The following CTNNAL1 variants were observed in gnomAD, a reference collection of about 807,000 sequenced individuals.
The protein encoded by CTNNAL1 is catenin alpha like 1.
Under a neutral mutation model 93.6 loss-of-function variants are expected in CTNNAL1, and 69 were observed. The observed-to-expected ratio is 0.74, with a 90% CI of 0.61 to 0.90. The LOEUF (loss-of-function observed/expected upper bound fraction) is 0.90. CTNNAL1 is among the 40% of genes least tolerant of loss of function. CTNNAL1 has a pLI of 0.00. For synonymous variants in CTNNAL1, 286 were observed against 305.4 expected (o/e 0.94, Z 0.66); for missense variants, 836 against 862.0 (o/e 0.97, Z 0.38).
intron 4 of CTNNAL1, among the ~76,000 whole-genome samples, chr9:108,985,076 C>G (rs1831566276): frequency 1.3e-5 from 2 of 152,142 alleles, no homozygotes; most frequent in Admixed American, 1.3e-4. Flanking sequence ...ACAGAGCCCT[C>G]AATAGAATGT....
intron 15 of CTNNAL1, among the ~76,000 whole-genome samples, chr9:108,947,115 C>CTTT (rs34477684): frequency 2.9e-5 from 4 of 136,276 alleles, no homozygotes; most frequent in Non-Finnish European, 3.1e-5. Flanking sequence ...AAATTTCTTT[C>CTTT]TTTTTTTTTT....
intron 8 of CTNNAL1, 102 bp from the exon 9 acceptor site, chr9:108,972,935 C>A: frequency 7.5e-7 from 1 of 1,341,610 alleles, no homozygotes; most frequent in Non-Finnish European, 9.9e-7. Flanking sequence ...AGCACCACAT[C>A]AGCACTTTAA....
At chr9:108,957,610 G>A (rs1830716512) in intron 11 of CTNNAL1, among the ~76,000 whole-genome samples, 1 of 152,106 alleles carries the variant, frequency 6.6e-6, no homozygotes, top group South Asian at 2.1e-4. Context: ...TCAGAATGGT[G>A]AGGGGAAAAA....
intron 4 of CTNNAL1, among the ~76,000 whole-genome samples, chr9:108,990,362 C>G (rs959956423): frequency 3.3e-5 from 5 of 152,120 alleles, no homozygotes; most frequent in African/African-American, 1.2e-4. Context: ...TAACAAGATA[C>G]TATAAGAATA....
In CTNNAL1 at chr9:108,952,372, C is replaced by A; in HGVS notation, c.1681-9G>T. On this transcript the variant is annotated splice_polypyrimidine_tract_variant and intron_variant, in intron 13 of 18. Transcript: ENST00000325551. ...GCTATCTTGGCTTGCTCCTATGAAA[C>A]AGACGTTTTAATCACAACGACTTTA... The A allele has an allele frequency of 6.2e-7, 1 of 1,614,156 alleles. No homozygotes were observed. Among genetic ancestry groups the A allele is most frequent in the South Asian group, 1.1e-5 (1 of 91,078 alleles).
chr9:108,944,506 C>T (rs1564118230), intron 15 of CTNNAL1, among the ~76,000 whole-genome samples: 1 of 152,120 alleles, frequency 6.6e-6, no homozygotes, highest in Admixed American at 6.5e-5. Context: ...GTTTTTGTTG[C>T]CACTTTTTTT....
intron 9 of CTNNAL1, among the ~76,000 whole-genome samples, 155 bp downstream of exon 9, chr9:108,972,520 G>T (rs1831142873): frequency 6.6e-6 from 1 of 152,212 alleles, no homozygotes; most frequent in South Asian, 2.1e-4. Flanking sequence ...GACTGTTGCA[G>T]GAACAGAACA....
rs563954464 is a variant in CTNNAL1 at position 108,945,624 on chromosome 9, G to A, written c.1885-1606C>T. Among the ~76,000 whole-genome samples, 28 of 89,234 alleles carry A rather than the reference G, an allele frequency of 3.1e-4. 2 individuals are homozygous for A. In the South Asian group the frequency reaches 7.3e-3, roughly 23 times the overall value. 58.5% of individuals were successfully genotyped at this position (89,234 alleles called of 152,430 possible). ...TTACAGGTGTGTGCCACCATGCCCC[G>A]CTAGTTTTTTTTTTTTTTGTTTTGT... On this transcript the variant is annotated intron_variant, in intron 15 of 18. Coordinates refer to ENST00000325551, the MANE Select transcript of CTNNAL1 (RefSeq NM_003798.4).
chr9:108,972,864 G>GGGGGGCCCCCCCCCCCCCCCCCCCC, intron 8 of CTNNAL1, 31 bp from the exon 9 acceptor site: 1 of 142,586 alleles, frequency 7.0e-6, no homozygotes, highest in Non-Finnish European at 1.0e-5. Flanking sequence ...GGGGGGGTGG[G>GGGGGGCCCCCCCCCCCCCCCCCCCC]AGGGTGGAGA....
intron 8 of CTNNAL1, 29 bp from the exon 9 acceptor site, chr9:108,972,862 G>GCCCCCCCCCC: frequency 3.1e-6 from 1 of 320,480 alleles, no homozygotes; most frequent in Non-Finnish European, 5.4e-6. Flanking sequence ...GTGGGGGGGT[G>GCCCCCCCCCC]GGAGGGTGGA....
intron 8 of CTNNAL1, 31 bp from the exon 9 acceptor site, chr9:108,972,864 G>GGGGGGCCC: frequency 2.2e-4 from 32 of 142,412 alleles, no homozygotes; most frequent in East Asian, 4.4e-4. Context: ...GGGGGGGTGG[G>GGGGGGCCC]AGGGTGGAGA....
Position 108,943,974 on chromosome 9 carries a change from A to T in CTNNAL1, c.1929T>A (p.Ala643=). The T allele has an allele frequency of 6.2e-7, 1 of 1,613,642 alleles. No homozygotes were observed. The part of the protein sequence containing the change: ...EGLKLTSSVQ[A]FSKQLKDDDK... ...AGACATGTGTTACCTGTTTTGAAAA[A>T]GCTTGAACACTGGAAGTAAGCTTTA... The change falls in exon 16 of 19, where the codon GCT becomes GCA. Residue 643 remains alanine (A), a synonymous_variant. Transcript: ENST00000325551.
At chr9:108,991,204 G>T (rs1284186520) in intron 3 of CTNNAL1, among the ~76,000 whole-genome samples, 1 of 152,226 alleles carries the variant, frequency 6.6e-6, no homozygotes, top group African/African-American at 2.4e-5. Context: ...CTGGGAAGGG[G>T]TGAGGATGAA....
intron 4 of CTNNAL1, among the ~76,000 whole-genome samples, chr9:108,989,795 A>C (rs1831730790): frequency 6.6e-6 from 1 of 152,240 alleles, no homozygotes; most frequent in Non-Finnish European, 1.5e-5. Flanking sequence ...CACGCCTGTA[A>C]TCCCAGCACT....
At chr9:108,961,049 C>T (rs182284082) in intron 11 of CTNNAL1, among the ~76,000 whole-genome samples, 162 of 148,388 alleles carry the variant, frequency 1.1e-3, no homozygotes, top group Non-Finnish European at 1.5e-3. Flanking sequence ...TGATGTTTAC[C>T]ACTTAGTTGG....
chr9:108,978,208 T>G (rs1282280187), intron 7 of CTNNAL1, among the ~76,000 whole-genome samples: 2 of 152,210 alleles, frequency 1.3e-5, no homozygotes, highest in Non-Finnish European at 2.9e-5. Context: ...AGATTGTGTA[T>G]CACACAGATA....
Position 108,992,819 on chromosome 9 carries a change from C to G in CTNNAL1, c.332G>C (p.Gly111Ala). The change falls in exon 3 of 19, where the codon GGA becomes GCA. Residue 111 changes from glycine to alanine, a missense_variant and splice_region_variant. Physicochemically the swap from Gly to Ala is moderately conservative, Grantham distance 60 (BLOSUM62 0). Coordinates refer to ENST00000325551, the MANE Select transcript of CTNNAL1 (RefSeq NM_003798.4). Reference protein sequence around the residue: ...NIACIEAKQAGETIAALTDIT... With the variant: ...NIACIEAKQAAETIAALTDIT... ...GTCTGTAAGTGCTGCAATTGTTTCT[C>G]CTAACAAGAAAGACGAGGGGAGAAA... 6.2e-7 allele frequency: 1 copy of G among 1,602,858 alleles called. No individual in the cohort carries two copies. The highest frequency in any genetic ancestry group is 8.5e-7 in the Non-Finnish European group (1 of 1,175,660).
Position 108,952,270 on chromosome 9 carries a change from C to T in CTNNAL1, c.1774G>A (p.Glu592Lys), listed in dbSNP as rs776248117. 6.2e-7 allele frequency: 1 copy of T among 1,614,202 alleles called. No individual in the cohort carries two copies. Among genetic ancestry groups the T allele is most frequent in the South Asian group, 1.1e-5 (1 of 91,084 alleles). Residue 592 changes from glutamate (E) to lysine (K), a missense_variant, in exon 14 of 19, where the codon GAG (glutamate) becomes AAG (lysine). Physicochemically the swap from Glu to Lys is moderately conservative, Grantham distance 56. Transcript: ENST00000325551. ...EIEKWEDQEN[E>K]IVQYGRNMSS... ...ATGTTCCGTCCATATTGAACAATCT[C>T]ATTCTCCTGATCTTCCCACTTCTCA...
Position 108,979,362 on chromosome 9 carries a change from A to G in CTNNAL1, c.1020T>C (p.His340=). The change falls in exon 7 of 19, where the codon CAT becomes CAC. Residue 340 remains histidine (H), a synonymous_variant. Coordinates refer to ENST00000325551, the MANE Select transcript of CTNNAL1 (RefSeq NM_003798.4). The part of the protein sequence containing the change: ...EDFTDSAYTS[H]EHRERILELS... ...GTTCCAAGATGCGTTCTCTGTGCTCATGGCTGGTGTAGGCAGAATCAGTAA... is the reference window on the plus strand; with the variant it reads ...GTTCCAAGATGCGTTCTCTGTGCTCGTGGCTGGTGTAGGCAGAATCAGTAA... 2.5e-6 allele frequency: 4 copies of G among 1,614,170 alleles called. No individual in the cohort carries two copies. The highest frequency in any genetic ancestry group is 3.4e-6 in the Non-Finnish European group (4 of 1,180,008).
Sources: allele counts gnomAD v4.1 joint callset (sites outside exome capture counted in the v4.1 genomes callset), GRCh38; gene constraint gnomAD v4.1.1; transcripts MANE v1.5; gene names NCBI Gene and HGNC (gene_info 2026-07-23, HGNC 2026-07-21).